TCP1: variants seen among roughly 807,000 people sequenced by gnomAD.
TCP1 encodes the protein t-complex 1, also known as T-complex protein 1 subunit alpha.
TCP1 carries 6 observed loss-of-function variants against 54.7 expected under a neutral mutation model. The observed-to-expected ratio is 0.11, with a 90% confidence interval of 0.06 to 0.22. The LOEUF (loss-of-function observed/expected upper bound fraction) is 0.22, where lower values mean the gene tolerates loss of function less well. Among genes scored for constraint, TCP1 ranks in the 10% least tolerant of loss-of-function variants. The probability of loss-of-function intolerance (pLI) is 1.00; values close to 1 mark genes in which losing one functional copy is unlikely to be tolerated. For synonymous variants in TCP1, 225 were observed against 229.7 expected, an observed-to-expected ratio of 0.98 and a Z score of 0.19; for missense variants, 511 against 678.2, an observed-to-expected ratio of 0.75 and a Z score of 2.74.
At chr6:159,783,095 T>C (rs4709368) in intron 7 of TCP1, among the ~76,000 whole-genome samples, 106,674 of 152,056 alleles carry the variant, frequency 0.7, 38,333 homozygotes, top group South Asian at 0.78. Flanking sequence ...CAAGGATGTA[T>C]GAAGAAGCTT....
chr6:159,786,204 T>C (rs1175179451), intron 3 of TCP1, among the ~76,000 whole-genome samples: 2 of 152,240 alleles, frequency 1.3e-5, no homozygotes, highest in East Asian at 1.9e-4. Flanking sequence ...TCTTGGAAAC[T>C]GCCACTTTAA....
chr6:159,787,987 G>C, intron 2 of TCP1, 71 bp downstream of exon 2: 6 of 1,607,444 alleles, frequency 3.7e-6, no homozygotes, highest in Non-Finnish European at 5.1e-6. Context: ...TAAAGTCAAA[G>C]AAAGAACATA....
intron 3 of TCP1, 142 bp from the exon 4 acceptor site, chr6:159,786,139 G>A (rs1000196918): frequency 1.1e-5 from 7 of 638,504 alleles, no homozygotes; most frequent in South Asian, 6.0e-5. Context: ...AAACCTGGGC[G>A]TGAAGGGAGA....
In TCP1 at chr6:159,779,116, G is replaced by T. The variant is rs770561305; in HGVS notation, c.1600C>A (p.His534Asn). 2 of 1,613,918 alleles carry T rather than the reference G, an allele frequency of 1.2e-6. No individual in the cohort carries two copies. Among genetic ancestry groups the T allele is most frequent in the East Asian group, 2.2e-5 (1 of 44,886 alleles). The change falls in exon 12 of 12, where the codon CAT becomes AAT. Residue 534 changes from histidine (H) to asparagine (N), a missense_variant. Physicochemically the swap from His to Asn is moderately conservative, Grantham distance 68. Around this residue, in one of 5 missense-constraint regions of TCP1, gnomAD observed 29 missense variants for 27.7 expected, o/e 1.05. Coordinates refer to ENST00000321394, the MANE Select transcript of TCP1 (RefSeq NM_030752.3). Reference protein sequence around the residue: ...ILRIDDLIKLHPESKDDKHGS... With the variant: ...ILRIDDLIKLNPESKDDKHGS... ...TGTTTATCATCTTTACTTTCTGGAT[G>T]TAATTTAATAAGATCATCAATTCGA... is the stretch of plus-strand genomic sequence containing the variant.
intron 6 of TCP1, 102 bp from the exon 7 acceptor site, chr6:159,784,169 C>A: frequency 4.3e-6 from 6 of 1,386,132 alleles, no homozygotes; most frequent in Non-Finnish European, 5.7e-6. Context: ...TAGACTAATT[C>A]ATTGCATTTT....
At chr6:159,788,361 G>C in intron 1 of TCP1, 1 of 478,290 alleles carries the variant, frequency 2.1e-6, no homozygotes, top group South Asian at 2.3e-5. Context: ...GCCGAGGCAG[G>C]AGGATCGCTT....
At chr6:159,783,907 C>T (rs765647834) in intron 7 of TCP1, 34 bp downstream of exon 7, 1 of 1,554,778 alleles carries the variant, frequency 6.4e-7, no homozygotes, top group African/African-American at 1.4e-5. Context: ...AAGACACTCA[C>T]ACTTAAAAGG....
chr6:159,788,670 T>G (rs1476869120), intron 1 of TCP1: 2 of 153,776 alleles, frequency 1.3e-5, no homozygotes, highest in African/African-American at 4.8e-5. Flanking sequence ...ATTCTGCAAG[T>G]TTTTTGCTCA....
chr6:159,787,935 C>A, intron 2 of TCP1, 64 bp from the exon 3 acceptor site: 5 of 1,608,072 alleles, frequency 3.1e-6, no homozygotes, highest in Non-Finnish European at 4.3e-6. Flanking sequence ...CATTATAATA[C>A]ACGTTCACCT....
intron 7 of TCP1, among the ~76,000 whole-genome samples, chr6:159,783,106 G>C (rs1317025737): frequency 6.6e-6 from 1 of 152,180 alleles, no homozygotes; most frequent in African/African-American, 2.4e-5. Context: ...GAAGAAGCTT[G>C]AAGGACAAAA....
intron 7 of TCP1, among the ~76,000 whole-genome samples, chr6:159,783,235 G>A (rs900436641): frequency 3.3e-5 from 5 of 152,068 alleles, no homozygotes; most frequent in African/African-American, 1.2e-4. Flanking sequence ...TACTGTAGAG[G>A]GACTGGCTTT....
intron 5 of TCP1, 182 bp from the exon 6 acceptor site, chr6:159,785,029 T>A: frequency 1.5e-6 from 1 of 667,850 alleles, no homozygotes; most frequent in Non-Finnish European, 2.6e-6. Flanking sequence ...CTTTTAGACA[T>A]GCTTTTTATT....
intron 7 of TCP1, 55 bp downstream of exon 7, chr6:159,783,886 T>TAA: frequency 6.6e-7 from 1 of 1,519,842 alleles, no homozygotes; most frequent in Non-Finnish European, 8.8e-7. Context: ...CTAAAAATGT[T>TAA]AAAGTCCTCC....
intron 5 of TCP1, 92 bp downstream of exon 5, chr6:159,785,294 A>G (rs1467274602): frequency 2.1e-6 from 2 of 954,528 alleles, no homozygotes; most frequent in African/African-American, 1.6e-5. Context: ...CAGCCTCCTT[A>G]GTAGCTGGGA....
chr6:159,784,553 C>T, intron 6 of TCP1, 113 bp downstream of exon 6: 2 of 1,130,124 alleles, frequency 1.8e-6, no homozygotes, highest in South Asian at 1.5e-5. Flanking sequence ...ATCCACCTGA[C>T]TCAGCCTCCC....
At chr6:159,782,056 G>C (rs1214570557) in intron 7 of TCP1, among the ~76,000 whole-genome samples, 4 of 152,154 alleles carry the variant, frequency 2.6e-5, no homozygotes, top group Admixed American at 2.6e-4. Context: ...GTGACTCCTG[G>C]AGTAAAATAA....
intron 7 of TCP1, among the ~76,000 whole-genome samples, chr6:159,782,861 C>T (rs1479930638): frequency 1.3e-5 from 2 of 152,098 alleles, no homozygotes; most frequent in Admixed American, 6.6e-5. Flanking sequence ...CTTCCATCCC[C>T]GAAAGCATTT....
chr6:159,785,544 A>T (rs753942204), intron 4 of TCP1, 48 bp from the exon 5 acceptor site: 1 of 1,390,908 alleles, frequency 7.2e-7, no homozygotes, highest in Admixed American at 1.7e-5. Context: ...TCACTACTCA[A>T]ACTCTTTGCA....
chr6:159,779,034 G>A lies in TCP1; in HGVS notation c.*11C>T. ...GCATTTAACATTGTTATAAATAAAAGGAACATCAGATCAATCATTAAGGGC... is the reference window on the plus strand; with the variant it reads ...GCATTTAACATTGTTATAAATAAAAAGAACATCAGATCAATCATTAAGGGC... On this transcript the variant is annotated 3_prime_UTR_variant, in exon 12 of 12. Coordinates refer to ENST00000321394, the MANE Select transcript of TCP1 (RefSeq NM_030752.3). 1 of 1,608,360 alleles carries A rather than the reference G, an allele frequency of 6.2e-7. No homozygotes were observed. The highest frequency in any genetic ancestry group is 1.1e-5 in the South Asian group (1 of 90,692).
Sources: gnomAD v4.1 joint callset for allele counts (sites outside exome capture counted in the v4.1 genomes callset) on GRCh38, gnomAD v4.1.1 for gene constraint, gnomAD v4.1.1 regional missense constraint, MANE v1.5 for transcripts, NCBI Gene and HGNC (gene_info 2026-07-23, HGNC 2026-07-21) for gene names.